SPAG9: variants seen among roughly 807,000 people sequenced by gnomAD.
The protein encoded by SPAG9 is sperm associated antigen 9, also known as C-Jun-amino-terminal kinase-interacting protein 4.
A neutral mutation model predicts 166.5 loss-of-function variants in SPAG9; 35 were observed. The observed-to-expected ratio is 0.21, with a 90% confidence interval of 0.16 to 0.28. The LOEUF (loss-of-function observed/expected upper bound fraction) is 0.28. SPAG9 is among the 10% of genes least tolerant of loss of function. The pLI, the probability that SPAG9 is intolerant of heterozygous loss-of-function variation, is 1.00. For missense variants in SPAG9, 1,235 were observed against 1,603.3 expected (o/e 0.77, Z 3.92); for synonymous variants, 534 against 565.5 (o/e 0.94, Z 0.79).
intron 9 of SPAG9, among the ~76,000 whole-genome samples, chr17:51,010,582 A>AAATATAT (rs1555638957): frequency 7.7e-6 from 1 of 130,644 alleles, no homozygotes; most frequent in African/African-American, 2.9e-5. Flanking sequence ...AAAAAAAAAA[A>AAATATAT]ATATATATAT....
chr17:51,092,455 A>G (rs1442821604), intron 1 of SPAG9, among the ~76,000 whole-genome samples: 1 of 152,204 alleles, frequency 6.6e-6, no homozygotes, highest in Non-Finnish European at 1.5e-5. Context: ...TACATTTAAG[A>G]GACAATTAGG....
intron 13 of SPAG9, among the ~76,000 whole-genome samples, chr17:51,001,296 G>T (rs1018578522): frequency 2.6e-5 from 4 of 152,206 alleles, no homozygotes; most frequent in Non-Finnish European, 5.9e-5. Flanking sequence ...CAATGGAAGG[G>T]TGTACTTGGC....
intron 12 of SPAG9, among the ~76,000 whole-genome samples, chr17:51,003,791 T>C (rs1427979470): frequency 6.6e-6 from 1 of 152,186 alleles, no homozygotes; most frequent in African/African-American, 2.4e-5. Flanking sequence ...TCAATAAAGT[T>C]AAACAACAAA....
intron 1 of SPAG9, among the ~76,000 whole-genome samples, chr17:51,095,357 C>T (rs142568819): frequency 0.022 from 3,166 of 146,978 alleles, 74 homozygotes; most frequent in Non-Finnish European, 0.026. Flanking sequence ...CGCCTGTAAT[C>T]CCAGCACTTT....
At chr17:51,066,567 G>A (rs113170316) in intron 2 of SPAG9, among the ~76,000 whole-genome samples, 1,532 of 109,952 alleles carry the variant, frequency 0.014, 3 homozygotes, top group Middle Eastern at 0.033. Context: ...AAAAAAAAAA[G>A]AAAAAAAAAA....
In SPAG9 at chr17:50,975,298, A is replaced by G. The variant is rs143469303; in HGVS notation, c.3524-351T>C. ...TAATGCACATGTTAGAAAACTAACC[A>G]TTATACAGTTTAAAGTAAATGGGTA... On this transcript the variant is annotated intron_variant, in intron 27 of 29. Transcript: ENST00000262013. 1,491 of 231,546 alleles carry G rather than the reference A, an allele frequency of 6.4e-3. 9 individuals are homozygous for G. The highest frequency in any genetic ancestry group is 9.5e-3 in the Non-Finnish European group (1,132 of 119,592). The allele number at this position is 231,546 out of a possible 1,614,324, so 14.3% of individuals were successfully genotyped here.
At chr17:51,115,417 T>C (rs1404196783) in intron 1 of SPAG9, among the ~76,000 whole-genome samples, 1 of 36,860 alleles carries the variant, frequency 2.7e-5, no homozygotes, top group East Asian at 3.6e-4. Context: ...GAACTCATCC[T>C]TTTTTTTTTT....
rs2044694061 is a variant in SPAG9, at chr17:50,996,630, G to A, written c.1903C>T (p.His635Tyr). ...ACTCTACCGTCTTCCTTCTGAACAT[G>A]TGCTTTTACCTGACGATACTGCTCT... ...KREQYRQVKA[H>Y]VQKEDGRVQA... The change falls in exon 16 of 30, where the codon CAT becomes TAT. Residue 635 changes from histidine to tyrosine, a missense_variant. Coordinates refer to ENST00000262013, the MANE Select transcript of SPAG9 (RefSeq NM_001130528.3). 2 of 1,613,972 alleles carry A rather than the reference G, an allele frequency of 1.2e-6. No homozygotes were observed. Among genetic ancestry groups the A allele is most frequent in the Non-Finnish European group, 1.7e-6 (2 of 1,180,012 alleles).
chr17:51,041,740 T>G, intron 4 of SPAG9, 89 bp from the exon 5 acceptor site: 1 of 1,224,590 alleles, frequency 8.2e-7, no homozygotes, highest in Non-Finnish European at 1.2e-6. Flanking sequence ...GGACTGCCAC[T>G]GTTTTACAAC....
At chr17:51,043,764 G>A (rs1444191217) in intron 4 of SPAG9, among the ~76,000 whole-genome samples, 1 of 152,164 alleles carries the variant, frequency 6.6e-6, no homozygotes, top group Non-Finnish European at 1.5e-5. Context: ...CAACCAGGAA[G>A]ATGATATACA....
chr17:51,108,267 G>A (rs1488946188), intron 1 of SPAG9, among the ~76,000 whole-genome samples: 2 of 151,200 alleles, frequency 1.3e-5, no homozygotes, highest in East Asian at 3.9e-4. Flanking sequence ...GGCACCTGTA[G>A]TCCCAGCTAC....
chr17:51,103,602 T>C (rs2048864004), intron 1 of SPAG9, among the ~76,000 whole-genome samples: 1 of 152,154 alleles, frequency 6.6e-6, no homozygotes, highest in Non-Finnish European at 1.5e-5. Flanking sequence ...TCTTGTATGT[T>C]AGGAACTTAA....
intron 6 of SPAG9, among the ~76,000 whole-genome samples, chr17:51,028,146 C>A (rs1568017487): frequency 6.6e-6 from 1 of 150,744 alleles, no homozygotes; most frequent in Non-Finnish European, 1.5e-5. Flanking sequence ...TAGAGCTATA[C>A]AATGTGTTTG....
At chr17:50,979,711 TTGAC>T (rs748214610) in intron 26 of SPAG9, 31 bp downstream of exon 26, 8 of 1,587,120 alleles carry the variant, frequency 5.0e-6, no homozygotes, top group African/African-American at 1.3e-5. Flanking sequence ...AACACCCTCT[TTGAC>T]TGGTAAAGAT....
intron 18 of SPAG9, among the ~76,000 whole-genome samples, chr17:50,994,733 A>T (rs1975922311): frequency 6.6e-6 from 1 of 152,216 alleles, no homozygotes; most frequent in Non-Finnish European, 1.5e-5. Flanking sequence ...TATGTGATAG[A>T]GTGAGACTCT....
chr17:50,989,390 CTAA>C (rs1975346572), intron 21 of SPAG9: 2 of 457,738 alleles, frequency 4.4e-6, no homozygotes, highest in Admixed American at 3.4e-5. Flanking sequence ...ATGAAATCAC[CTAA>C]TGACACATTT....
chr17:51,096,038 G>GATAT (rs377753534), intron 1 of SPAG9, among the ~76,000 whole-genome samples: 1,907 of 91,074 alleles, frequency 0.021, 64 homozygotes, highest in African/African-American at 0.1. Context: ...TATATATAGT[G>GATAT]ATATATATAT....
At chr17:51,088,482 G>A (rs2048358632) in intron 1 of SPAG9, among the ~76,000 whole-genome samples, 1 of 152,136 alleles carries the variant, frequency 6.6e-6, no homozygotes, top group South Asian at 2.1e-4. Flanking sequence ...AGAGGAAGAA[G>A]TGACTAAATC....
chr17:51,043,328 TATA>T (rs745852375), intron 4 of SPAG9, among the ~76,000 whole-genome samples: 10 of 152,346 alleles, frequency 6.6e-5, no homozygotes, highest in Non-Finnish European at 1.3e-4. Flanking sequence ...ACAAAGTTTT[TATA>T]ATAAGTCCAT....
Sources: allele counts gnomAD v4.1 joint callset (sites outside exome capture counted in the v4.1 genomes callset), GRCh38; gene constraint gnomAD v4.1.1; transcripts MANE v1.5; gene names NCBI Gene and HGNC (gene_info 2026-07-23, HGNC 2026-07-21).